AP1S3: variants seen among roughly 807,000 people sequenced by gnomAD.
The protein encoded by AP1S3 is adaptor related protein complex 1 subunit sigma 3, also known as AP-1 complex subunit sigma-3.
Under a neutral mutation model 20.9 loss-of-function variants are expected in AP1S3, and 10 were observed. The ratio of observed to expected loss-of-function variants is 0.48; its 90% CI spans 0.29 to 0.81. The LOEUF (loss-of-function observed/expected upper bound fraction) is 0.81. Ranked by LOEUF, AP1S3 falls within the 30% of genes least tolerant of loss-of-function variation. The pLI is 0.08. For synonymous variants in AP1S3, 41 were observed against 61.5 expected, an observed-to-expected ratio of 0.67 and a Z score of 1.56; for missense variants, 154 against 183.8, an observed-to-expected ratio of 0.84 and a Z score of 0.94.
intron 2 of AP1S3, 89 bp from the exon 3 acceptor site, chr2:223,776,098 C>T (rs1690777550): frequency 1.1e-6 from 1 of 903,370 alleles, no homozygotes; most frequent in Non-Finnish European, 1.8e-6. Flanking sequence ...GTCACCTCCT[C>T]CCCCGCCGAG....
intron 1 of AP1S3, among the ~76,000 whole-genome samples, chr2:223,801,140 C>T (rs1034342159): frequency 6.6e-6 from 1 of 152,166 alleles, no homozygotes; most frequent in African/African-American, 2.4e-5. Flanking sequence ...GTAGGGCATG[C>T]GTCAGACACC....
intron 1 of AP1S3, among the ~76,000 whole-genome samples, chr2:223,786,705 C>T (rs1365285206): frequency 1.3e-5 from 2 of 152,060 alleles, no homozygotes; most frequent in African/African-American, 4.8e-5. Flanking sequence ...AGTTCAAAAC[C>T]AGTCTGGGCA....
In AP1S3 at chr2:223,756,879, A is replaced by G; in HGVS notation, c.*1836T>C. On this transcript the variant is annotated 3_prime_UTR_variant, in exon 5 of 5. Coordinates refer to ENST00000396654, the MANE Select transcript of AP1S3 (RefSeq NM_001039569.2). ...TTCTAGGAAATCACTGGAGGTCCCA[A>G]ACCACTCTAATATGAATGATACCAG... The G allele has an allele frequency of 1.0e-6, 1 of 985,452 alleles. No homozygotes were observed. The highest frequency in any genetic ancestry group is 1.2e-6 in the Non-Finnish European group (1 of 829,934). 61.0% of individuals were successfully genotyped at this position (985,452 alleles called of 1,614,324 possible).
rs545093849 is a variant in AP1S3 at position 223,786,998 on chromosome 2, T to C, written c.4-9129A>G. ...AATCCCCAGTGTTGGAGATGGGGCCTAGTAGGAGGTGACTGGATCATCAGG... is the reference window on the plus strand; with the variant it reads ...AATCCCCAGTGTTGGAGATGGGGCCCAGTAGGAGGTGACTGGATCATCAGG... On this transcript the variant is annotated intron_variant, in intron 1 of 4. Coordinates refer to ENST00000396654, the MANE Select transcript of AP1S3 (RefSeq NM_001039569.2). Among the ~76,000 whole-genome samples, 6 of 152,236 alleles carry C rather than the reference T, an allele frequency of 3.9e-5. 2 individuals carry two copies. In the South Asian group the frequency reaches 1.2e-3, roughly 32 times the overall value.
At chr2:223,812,150 A>C (rs910186471) in intron 1 of AP1S3, among the ~76,000 whole-genome samples, 3 of 152,246 alleles carry the variant, frequency 2.0e-5, no homozygotes. Context: ...TAACACAAAT[A>C]TCACATTTAT....
At chr2:223,779,590 T>C (rs1384957951) in intron 1 of AP1S3, among the ~76,000 whole-genome samples, 1 of 152,168 alleles carries the variant, frequency 6.6e-6, no homozygotes, top group Non-Finnish European at 1.5e-5. Flanking sequence ...ATAAAGTGCA[T>C]TGTTTCAGTT....
At chr2:223,768,389 G>A (rs1690531700) in intron 3 of AP1S3, among the ~76,000 whole-genome samples, 1 of 152,024 alleles carries the variant, frequency 6.6e-6, no homozygotes, top group Non-Finnish European at 1.5e-5. Context: ...CACTTCCTGT[G>A]GGTTCTCACT....
Position 223,823,685 on chromosome 2 carries a change from TA to T in AP1S3, c.3+13762del, listed in dbSNP as rs1424499816. On this transcript the variant is annotated intron_variant, in intron 1 of 4. Coordinates refer to ENST00000396654, the MANE Select transcript of AP1S3 (RefSeq NM_001039569.2). ...GAGCTCTATGGTACAACATGGTGAC[TA>T]TAGTTAAAAACAATGTATTATATAC... 2.0e-5 allele frequency among the ~76,000 whole-genome samples: 3 copies of T among 152,204 alleles called. 1 individual carries two copies. Among genetic ancestry groups the T allele is most frequent in the Middle Eastern group, 6.3e-3 (2 of 316 alleles).
At chr2:223,814,692 C>T (rs930992702) in intron 1 of AP1S3, among the ~76,000 whole-genome samples, 1 of 152,170 alleles carries the variant, frequency 6.6e-6, no homozygotes, top group African/African-American at 2.4e-5. Flanking sequence ...ATGAGGTTTG[C>T]ACATTAAACT....
At chr2:223,793,995 C>T (rs1691276916) in intron 1 of AP1S3, among the ~76,000 whole-genome samples, 1 of 152,088 alleles carries the variant, frequency 6.6e-6, no homozygotes, top group Non-Finnish European at 1.5e-5. Flanking sequence ...CTGTGTTTAT[C>T]CTTTGTGTTT....
chr2:223,790,503 A>G (rs1304866021), intron 1 of AP1S3, among the ~76,000 whole-genome samples: 2 of 152,118 alleles, frequency 1.3e-5, no homozygotes, highest in East Asian at 3.9e-4. Flanking sequence ...CAAAGTGCTG[A>G]GATTACAGGC....
At chr2:223,790,367 G>C (rs61235034) in intron 1 of AP1S3, among the ~76,000 whole-genome samples, 66,085 of 151,506 alleles carry the variant, frequency 0.44, 14,847 homozygotes, top group African/African-American at 0.54. Flanking sequence ...GAGTAGCTGG[G>C]ATTACAGGCA....
chr2:223,793,411 T>C (rs1188278239), intron 1 of AP1S3, among the ~76,000 whole-genome samples: 1 of 152,220 alleles, frequency 6.6e-6, no homozygotes, highest in Admixed American at 6.5e-5. Flanking sequence ...AATGAGATTA[T>C]GTCCTTTGCA....
At chr2:223,762,145 G>A (rs563493872) in intron 4 of AP1S3, among the ~76,000 whole-genome samples, 11 of 151,284 alleles carry the variant, frequency 7.3e-5, no homozygotes, top group African/African-American at 2.7e-4. Flanking sequence ...GCTAATTTTT[G>A]TATTTTTAGT....
intron 1 of AP1S3, among the ~76,000 whole-genome samples, chr2:223,788,087 T>C (rs1390463226): frequency 6.6e-6 from 1 of 151,842 alleles, no homozygotes; most frequent in East Asian, 2.0e-4. Context: ...GCTGGGATTA[T>C]AGACATGTGC....
chr2:223,756,421 G>C lies in AP1S3; in HGVS notation c.*2294C>G. 1 of 621,242 alleles carries C rather than the reference G, an allele frequency of 1.6e-6. No homozygotes were observed. Among genetic ancestry groups the C allele is most frequent in the Non-Finnish European group, 1.9e-6 (1 of 516,884 alleles). The allele number at this position is 621,242 out of a possible 1,614,324, so 38.5% of individuals were successfully genotyped here. On this transcript the variant is annotated 3_prime_UTR_variant, in exon 5 of 5. Transcript: ENST00000396654. ...AGGAAGGAAGGGAGGGAAGGAGAGA[G>C]AGAGAAGAAGGAAGGAAGAAAGGAA...
Position 223,776,358 on chromosome 2 carries a change from C to T in AP1S3, c.183-349G>A, listed in dbSNP as rs891628872. Among the ~76,000 whole-genome samples, 7 of 152,194 alleles carry T rather than the reference C, an allele frequency of 4.6e-5. No individual in the cohort carries two copies. In the East Asian group the frequency reaches 5.8e-4, roughly 13 times the overall value. ...TTTTTTGTAAAATAGAAAGCCCTGACCAGTGCTGTCAGGAGCCCACGCTCC... is the reference window on the plus strand; with the variant it reads ...TTTTTTGTAAAATAGAAAGCCCTGATCAGTGCTGTCAGGAGCCCACGCTCC... On this transcript the variant is annotated intron_variant, in intron 2 of 4. Coordinates refer to ENST00000396654, the MANE Select transcript of AP1S3 (RefSeq NM_001039569.2).
chr2:223,827,852 G>A (rs1460514602), intron 1 of AP1S3, among the ~76,000 whole-genome samples: 3 of 151,448 alleles, frequency 2.0e-5, no homozygotes, highest in East Asian at 2.0e-4. Flanking sequence ...CTGAGGTCAG[G>A]AGTTCAGGAC....
At chr2:223,775,807 G>T in intron 3 of AP1S3, 94 bp downstream of exon 3, 1 of 897,386 alleles carries the variant, frequency 1.1e-6, no homozygotes, top group Non-Finnish European at 1.8e-6. Context: ...TATTTTAGAT[G>T]TGACAGAGAG....
Sources: gnomAD v4.1 joint callset for allele counts (sites outside exome capture counted in the v4.1 genomes callset) on GRCh38, gnomAD v4.1.1 for gene constraint, MANE v1.5 for transcripts, NCBI Gene and HGNC (gene_info 2026-07-23, HGNC 2026-07-21) for gene names.